The following ADAM22 variants were observed in gnomAD, a reference collection of about 807,000 sequenced individuals.
The protein encoded by ADAM22 is ADAM metallopeptidase domain 22, also known as disintegrin and metalloproteinase domain-containing protein 22.
In ADAM22, 65 loss-of-function variants were observed where a neutral mutation model predicts 144.6. The ratio of observed to expected loss-of-function variants is 0.45; its 90% CI spans 0.37 to 0.55. The LOEUF (loss-of-function observed/expected upper bound fraction) is 0.55. Ranked by LOEUF, ADAM22 falls within the 20% of genes least tolerant of loss-of-function variation. ADAM22 has a pLI of 0.00. For missense variants in ADAM22, 974 were observed against 1,184.9 expected (o/e 0.82, Z 2.61); for synonymous variants, 391 against 412.6 (o/e 0.95, Z 0.63).
intron 3 of ADAM22, among the ~76,000 whole-genome samples, chr7:88,038,704 C>G (rs186242467): frequency 2.0e-5 from 3 of 151,836 alleles, no homozygotes; most frequent in Non-Finnish European, 4.4e-5. Flanking sequence ...CCGCCCGTCT[C>G]GGCCTCCCAA....
Position 88,039,464 on chromosome 7 carries a change from A to AATAT in ADAM22, c.324-36144_324-36141dup, listed in dbSNP as rs1554420479. ...GATTCTGTCTCAAAAAAAAAAAAAA[A>AATAT]ATATATATATATATATATATACATT... On this transcript the variant is annotated intron_variant, in intron 3 of 31. Coordinates refer to ENST00000413139, the MANE Select transcript of ADAM22 (RefSeq NM_001324418.2). Among the ~76,000 whole-genome samples, 95 of 76,288 alleles carry AATAT rather than the reference A, an allele frequency of 1.2e-3. 4 individuals carry two copies. The highest frequency in any genetic ancestry group is 6.8e-3 in the Middle Eastern group (1 of 146). 50.0% of individuals were successfully genotyped at this position (76,288 alleles called of 152,430 possible). A position where few individuals can be genotyped will look rare whatever the true frequency, so the allele number is the denominator to read the frequency against.
In ADAM22 at chr7:88,131,325, G is replaced by T. The variant is rs558968162; in HGVS notation, c.882G>T (p.Ala294=). ...RIVLVAMETW[A]TDNKFAISEN... is the part of the protein sequence containing the mutation. ...TATTGGTTGCTATGGAAACCTGGGCGACTGACAACAAGTTTGCCATATCTG... is the reference window on the plus strand; with the variant it reads ...TATTGGTTGCTATGGAAACCTGGGCTACTGACAACAAGTTTGCCATATCTG... Residue 294 remains alanine, a synonymous_variant, in exon 11 of 32, where the codon GCG becomes GCT. Coordinates refer to ENST00000413139, the MANE Select transcript of ADAM22 (RefSeq NM_001324418.2). The T allele has an allele frequency of 3.1e-6, 5 of 1,613,708 alleles. No homozygotes were observed. In the East Asian group the frequency reaches 8.9e-5, roughly 29 times the overall value.
At chr7:87,972,803 T>C (rs1033959140) in intron 2 of ADAM22, among the ~76,000 whole-genome samples, 2 of 152,208 alleles carry the variant, frequency 1.3e-5, no homozygotes, top group African/African-American at 4.8e-5. Flanking sequence ...TCTACAACTA[T>C]CTGATCTTTG....
At chr7:88,152,727 G>A (rs1011861722) in intron 20 of ADAM22, among the ~76,000 whole-genome samples, 5 of 151,998 alleles carry the variant, frequency 3.3e-5, no homozygotes, top group Non-Finnish European at 5.9e-5. Context: ...TTGCCAGGCT[G>A]GAGTGCAGTG....
rs775835621 is a variant in ADAM22, at chr7:88,116,797, T to G, written c.590T>G (p.Leu197Trp). 1 of 1,612,976 alleles carries G rather than the reference T, an allele frequency of 6.2e-7. No homozygotes were observed. The highest frequency in any genetic ancestry group is 1.7e-5 in the Admixed American group (1 of 60,012). ...AAATCCAGACTGTTTGAATTTTCCT[T>G]GGATGATCTTCCATCTGGTATGATG... ...VYKSRLFEFS[L>W]DDLPSEFQQV... Residue 197 changes from leucine to tryptophan, a missense_variant, in exon 7 of 32, where the codon TTG becomes TGG. Leu to Trp is a moderately conservative substitution (Grantham distance 61). Transcript: ENST00000413139.
chr7:88,004,475 A>T (rs1793322861), intron 3 of ADAM22, among the ~76,000 whole-genome samples: 1 of 152,224 alleles, frequency 6.6e-6, no homozygotes, highest in South Asian at 2.1e-4. Context: ...GAAGTCTCAC[A>T]AGGTTCTAAT....
chr7:88,166,525 C>T (rs971431741), intron 24 of ADAM22, among the ~76,000 whole-genome samples: 3 of 152,072 alleles, frequency 2.0e-5, no homozygotes, highest in African/African-American at 7.2e-5. Context: ...GTTGAAAGAA[C>T]TTATACATTG....
chr7:87,962,094 G>A (rs529397987), intron 2 of ADAM22, among the ~76,000 whole-genome samples: 1 of 152,240 alleles, frequency 6.6e-6, no homozygotes, highest in East Asian at 1.9e-4. Context: ...CAGGAACACA[G>A]GTCAAAAGTA....
chr7:88,013,888 G>C (rs111972154), intron 3 of ADAM22, among the ~76,000 whole-genome samples: 1 of 152,184 alleles, frequency 6.6e-6, no homozygotes, highest in East Asian at 1.9e-4. Context: ...CCCAAATGAC[G>C]TGAATTATAG....
intron 17 of ADAM22, among the ~76,000 whole-genome samples, chr7:88,147,139 A>G (rs1042181233): frequency 1.3e-5 from 2 of 152,250 alleles, no homozygotes; most frequent in Non-Finnish European, 2.9e-5. Context: ...ATTAAAATAC[A>G]TAAAATAAAA....
chr7:88,120,363 T>C (rs1828982302), intron 7 of ADAM22, among the ~76,000 whole-genome samples: 1 of 151,942 alleles, frequency 6.6e-6, no homozygotes, highest in African/African-American at 2.4e-5. Context: ...GTGTGTGATG[T>C]TCCCCTTCCT....
intron 21 of ADAM22, among the ~76,000 whole-genome samples, chr7:88,153,644 T>C (rs1466485145): frequency 2.0e-5 from 3 of 152,184 alleles, no homozygotes; most frequent in Non-Finnish European, 4.4e-5. Context: ...TTGAATTGAA[T>C]TAACTGGCTC....
At chr7:88,051,659 C>A (rs1019636808) in intron 3 of ADAM22, among the ~76,000 whole-genome samples, 1 of 151,814 alleles carries the variant, frequency 6.6e-6, no homozygotes, top group Non-Finnish European at 1.5e-5. Context: ...ATGTAACAAA[C>A]CTGCACATTG....
chr7:88,003,832 T>C (rs1793152692), intron 3 of ADAM22, among the ~76,000 whole-genome samples: 1 of 152,192 alleles, frequency 6.6e-6, no homozygotes, highest in South Asian at 2.1e-4. Context: ...TATATCTGCC[T>C]CTTGGACTCA....
At chr7:87,993,556 A>T (rs564599892) in intron 3 of ADAM22, among the ~76,000 whole-genome samples, 6 of 152,198 alleles carry the variant, frequency 3.9e-5, no homozygotes, top group Non-Finnish European at 7.3e-5. Flanking sequence ...TCCTTCTGTC[A>T]GAAAGTCAGT....
chr7:88,051,656 A>T (rs1402127415), intron 3 of ADAM22, among the ~76,000 whole-genome samples: 2 of 152,242 alleles, frequency 1.3e-5, no homozygotes, highest in Admixed American at 6.5e-5. Context: ...CATATGTAAC[A>T]AACCTGCACA....
At chr7:87,974,396 G>T (rs541302226) in intron 2 of ADAM22, among the ~76,000 whole-genome samples, 15 of 152,234 alleles carry the variant, frequency 9.9e-5, no homozygotes, top group African/African-American at 3.6e-4. Context: ...GGGAAGGTAG[G>T]TTCCTGAATA....
At chr7:88,172,825 C>T (rs1184376684) in intron 26 of ADAM22, among the ~76,000 whole-genome samples, 1 of 151,874 alleles carries the variant, frequency 6.6e-6, no homozygotes, top group East Asian at 1.9e-4. Flanking sequence ...CTCTTGTGTC[C>T]AAAAGCGCTT....
chr7:88,148,924 T>C, intron 17 of ADAM22, 53 bp from the exon 18 acceptor site: 1 of 1,370,182 alleles, frequency 7.3e-7, no homozygotes, highest in Non-Finnish European at 1.0e-6. Context: ...GATGATATTG[T>C]AAGATTTTTT....
Sources: allele counts gnomAD v4.1 joint callset (sites outside exome capture counted in the v4.1 genomes callset), GRCh38; gene constraint gnomAD v4.1.1; transcripts MANE v1.5; gene names NCBI Gene and HGNC (gene_info 2026-07-23, HGNC 2026-07-21).